The following SND1 variants were observed in gnomAD, a reference collection of about 807,000 sequenced individuals.
SND1 encodes the protein staphylococcal nuclease domain-containing protein 1.
SND1 carries 38 observed loss-of-function variants against 121.7 expected under a neutral mutation model. The observed-to-expected ratio is 0.31, with a 90% CI of 0.24 to 0.41. The LOEUF (loss-of-function observed/expected upper bound fraction) is 0.41. SND1 is among the 10% of genes least tolerant of loss of function. The probability of loss-of-function intolerance (pLI) is 1.00; values close to 1 mark genes in which losing one functional copy is unlikely to be tolerated. For missense variants in SND1, 868 were observed against 1,184.6 expected, an observed-to-expected ratio of 0.73 and a Z score of 3.92; for synonymous variants, 401 against 447.4, an observed-to-expected ratio of 0.90 and a Z score of 1.31.
intron 13 of SND1, among the ~76,000 whole-genome samples, chr7:127,892,419 T>G: frequency 6.6e-6 from 1 of 152,116 alleles, no homozygotes; most frequent in East Asian, 1.9e-4. Context: ...AAACAAACTC[T>G]ACCACATCAG....
intron 14 of SND1, among the ~76,000 whole-genome samples, chr7:127,910,227 G>T (rs1240811664): frequency 6.6e-6 from 1 of 152,088 alleles, no homozygotes; most frequent in Non-Finnish European, 1.5e-5. Context: ...ATCTCCTGAG[G>T]TCAGGAGTTC....
intron 23 of SND1, 36 bp downstream of exon 23, chr7:128,091,917 G>A (rs1374434715): frequency 5.6e-6 from 9 of 1,613,932 alleles, no homozygotes; most frequent in African/African-American, 2.7e-5. Context: ...AGAGGGTACC[G>A]AGTTGAGGGG....
intron 16 of SND1, among the ~76,000 whole-genome samples, chr7:128,004,750 C>T (rs1177580480): frequency 6.6e-6 from 1 of 152,160 alleles, no homozygotes; most frequent in Non-Finnish European, 1.5e-5. Flanking sequence ...CCATCATAAC[C>T]GTGTGTCTTA....
chr7:127,908,485 C>T (rs1412467998), intron 14 of SND1, among the ~76,000 whole-genome samples: 1 of 151,884 alleles, frequency 6.6e-6, no homozygotes, highest in African/African-American at 2.4e-5. Context: ...TTGTTATTTC[C>T]AATTTTTCAC....
intron 14 of SND1, among the ~76,000 whole-genome samples, chr7:127,905,417 T>C (rs866143546): frequency 6.6e-6 from 1 of 152,156 alleles, no homozygotes; most frequent in East Asian, 1.9e-4. Context: ...ATGTTTAGGG[T>C]CTCTTTGGCT....
chr7:128,092,013 A>C lies in SND1; in HGVS notation c.2688A>C (p.Gly896=), dbSNP rs768088267. The C allele has an allele frequency of 8.4e-5, 135 of 1,613,968 alleles. No homozygotes were observed. Among genetic ancestry groups the C allele is most frequent in the South Asian group, 7.2e-4 (66 of 91,080 alleles). ...TACAGCTGAACCTGTGGCGCTATGG[A>C]GACTTTCGAGCTGATGATGCAGACG... The part of the protein sequence containing the change: ...KSARLNLWRY[G]DFRADDADEF... The change falls in exon 24 of 24, where the codon GGA becomes GGC. Residue 896 remains glycine (G), a synonymous_variant. Coordinates refer to ENST00000354725, the MANE Select transcript of SND1 (RefSeq NM_014390.4). This position sits in a 1 kb window ranked among gnomAD's most constrained non-coding sequence, Gnocchi z 4.9.
intron 10 of SND1, among the ~76,000 whole-genome samples, chr7:127,795,945 C>T (rs1360729361): frequency 6.6e-6 from 1 of 152,028 alleles, no homozygotes; most frequent in Non-Finnish European, 1.5e-5. Context: ...GCAAGCTCCG[C>T]CTCCCGGGTT....
At chr7:127,767,322 G>A (rs939646091) in intron 10 of SND1, among the ~76,000 whole-genome samples, 16 of 152,112 alleles carry the variant, frequency 1.1e-4, no homozygotes, top group African/African-American at 3.6e-4. Context: ...CATGGTGGGG[G>A]CCCAGCTTCC....
intron 16 of SND1, chr7:128,032,216 T>G (rs1792640394): frequency 6.6e-6 from 1 of 150,950 alleles, no homozygotes; most frequent in Admixed American, 6.6e-5. Context: ...GCCGGCGCCT[T>G]CCAGCGCCGC....
chr7:127,676,223 C>T (rs182614483), intron 1 of SND1, among the ~76,000 whole-genome samples: 6 of 152,260 alleles, frequency 3.9e-5, no homozygotes, highest in African/African-American at 1.2e-4. Flanking sequence ...GGGTCCCTGT[C>T]CTGCTTCCTC....
intron 14 of SND1, among the ~76,000 whole-genome samples, chr7:127,911,921 G>A (rs144563355): frequency 9.7e-4 from 148 of 152,212 alleles, no homozygotes; most frequent in African/African-American, 3.4e-3. Flanking sequence ...CCCTTATGAT[G>A]GAAGACATAG....
intron 14 of SND1, among the ~76,000 whole-genome samples, chr7:127,917,203 A>T (rs1278211389): frequency 1.3e-5 from 2 of 152,204 alleles, no homozygotes; most frequent in Non-Finnish European, 2.9e-5. Flanking sequence ...ATCATAACAA[A>T]GTTGTAAAGC....
At chr7:128,010,517 C>T (rs977897539) in intron 16 of SND1, among the ~76,000 whole-genome samples, 1 of 152,210 alleles carries the variant, frequency 6.6e-6, no homozygotes, top group Non-Finnish European at 1.5e-5. Context: ...TTTCCTGAGG[C>T]CACGGAGAGG....
rs1356316048 is a variant in SND1 at position 128,015,135 on chromosome 7, T to C, written c.1779+24079T>C. 1.3e-5 allele frequency among the ~76,000 whole-genome samples: 2 copies of C among 152,186 alleles called. No homozygotes were observed. Among genetic ancestry groups the C allele is most frequent in the African/African-American group, 4.8e-5 (2 of 41,434 alleles). ...TGTCTGAGCCAACCTTGATTCACAG[T>C]AGTGCAGATGGCCCCAGCCATACCC... On this transcript the variant is annotated intron_variant, in intron 16 of 23. Coordinates refer to ENST00000354725, the MANE Select transcript of SND1 (RefSeq NM_014390.4). The surrounding 1 kb of genome is among the most constrained non-coding windows in gnomAD (Gnocchi z 4.5).
intron 14 of SND1, among the ~76,000 whole-genome samples, chr7:127,924,748 T>G (rs1049470222): frequency 5.9e-5 from 9 of 152,286 alleles, no homozygotes; most frequent in Non-Finnish European, 1.3e-4. Context: ...GCCTGGGAAT[T>G]CATCATACTA....
intron 10 of SND1, among the ~76,000 whole-genome samples, chr7:127,738,536 C>G (rs1796821400): frequency 1.3e-5 from 2 of 152,186 alleles, no homozygotes; most frequent in Admixed American, 6.5e-5. Flanking sequence ...GCCTCAGACT[C>G]CCAAAGTGCT....
At chr7:127,706,624 C>T (rs1340919041) in intron 8 of SND1, among the ~76,000 whole-genome samples, 1 of 152,028 alleles carries the variant, frequency 6.6e-6, no homozygotes, top group Non-Finnish European at 1.5e-5. Flanking sequence ...TATATGACAT[C>T]GGTAGAAGAT....
At chr7:127,857,942 C>T in intron 12 of SND1, 2 of 1,362,000 alleles carry the variant, frequency 1.5e-6, no homozygotes. Context: ...GGAAAGTAGC[C>T]TTCGCTCACC....
chr7:127,680,258 A>C (rs564160401), intron 1 of SND1, among the ~76,000 whole-genome samples: 16 of 152,326 alleles, frequency 1.1e-4, no homozygotes, highest in Middle Eastern at 6.8e-3. Context: ...ACAGGACCAC[A>C]GGACTGGGGC....
Sources: allele counts gnomAD v4.1 joint callset (sites outside exome capture counted in the v4.1 genomes callset), GRCh38; gene constraint gnomAD v4.1.1; non-coding constraint Gnocchi (gnomAD v3.1); transcripts MANE v1.5; gene names NCBI Gene and HGNC (gene_info 2026-07-23, HGNC 2026-07-21).